ZNF366: variants seen among roughly 807,000 people sequenced by gnomAD.
The protein encoded by ZNF366 is dendritic cell-specific transcript protein.
ZNF366 carries 20 observed loss-of-function variants against 47.2 expected under a neutral mutation model. That is an observed-to-expected ratio of 0.42 (90% CI 0.30 to 0.62). ZNF366 has a LOEUF of 0.62. Among genes scored for constraint, ZNF366 ranks in the 20% least tolerant of loss-of-function variants. The pLI is 0.16. For synonymous variants in ZNF366, 421 were observed against 395.1 expected (o/e 1.07, Z -0.78); for missense variants, 987 against 976.3 (o/e 1.01, Z -0.15).
chr5:72,464,716 A>C (rs151120644), intron 1 of ZNF366, among the ~76,000 whole-genome samples: 323 of 152,312 alleles, frequency 2.1e-3, no homozygotes, highest in African/African-American at 7.5e-3. Context: ...CCCTTAAAAT[A>C]GTAGTCTGTG....
intron 1 of ZNF366, among the ~76,000 whole-genome samples, chr5:72,485,260 A>G (rs1009465002): frequency 1.3e-5 from 2 of 152,156 alleles, no homozygotes; most frequent in Non-Finnish European, 2.9e-5. Flanking sequence ...CTCTCTCCAT[A>G]CTGTTTGCTC....
chr5:72,472,251 G>A lies in ZNF366; in HGVS notation c.-14-10741C>T, dbSNP rs112971893. On this transcript the variant is annotated intron_variant, in intron 1 of 4. Coordinates refer to ENST00000318442, the MANE Select transcript of ZNF366 (RefSeq NM_152625.3). Reference sequence around the variant, plus strand: ...GCAAAACATTTTAGGAGCTACTAGAGGAATATTGAACTGGTTGGTTGATTT... The same window carrying A: ...GCAAAACATTTTAGGAGCTACTAGAAGAATATTGAACTGGTTGGTTGATTT... Among the ~76,000 whole-genome samples, 289 of 152,304 alleles carry A rather than the reference G, an allele frequency of 1.9e-3. 1 individual carries two copies. Among genetic ancestry groups the A allele is most frequent in the African/African-American group, 6.8e-3 (281 of 41,566 alleles).
At chr5:72,479,429 A>T (rs928030793) in intron 1 of ZNF366, among the ~76,000 whole-genome samples, 2 of 151,972 alleles carry the variant, frequency 1.3e-5, no homozygotes, top group Admixed American at 1.3e-4. Context: ...ATTAAAAATT[A>T]AAAAAAGAAA....
At chr5:72,456,791 T>G (rs1245283657) in intron 2 of ZNF366, among the ~76,000 whole-genome samples, 196 bp from the exon 3 acceptor site, 1 of 152,208 alleles carries the variant, frequency 6.6e-6, no homozygotes, top group East Asian at 1.9e-4. Flanking sequence ...ACCTTTTTTT[T>G]CCTTCTGAAA....
intron 1 of ZNF366, among the ~76,000 whole-genome samples, chr5:72,485,161 C>T (rs994811317): frequency 5.9e-5 from 9 of 152,124 alleles, no homozygotes; most frequent in East Asian, 1.9e-4. Context: ...TGATTAAATG[C>T]GGAAAAAATA....
In ZNF366 at chr5:72,444,073, G is replaced by A; in HGVS notation, c.1918C>T (p.Gln640Ter). ...PYSPGLAPQS[Q>*]QLCTPEDLST... ...AGATCCTCGGGTGTGCAGAGCTGCT[G>A]GCTCTGGGGGGCCAGGCCAGGGCTG... The change falls in exon 5 of 5, where the codon CAG becomes TAG. Residue 640 changes from glutamine (Q) to a stop codon, truncating the protein, a stop_gained. Coordinates refer to ENST00000318442, the MANE Select transcript of ZNF366 (RefSeq NM_152625.3). LOFTEE classifies it low-confidence loss of function (END_TRUNC). 1.2e-6 allele frequency: 2 copies of A among 1,614,166 alleles called. No individual in the cohort carries two copies. Among genetic ancestry groups the A allele is most frequent in the South Asian group, 1.1e-5 (1 of 91,090 alleles).
Position 72,447,332 on chromosome 5 carries a change from T to C in ZNF366, c.1610A>G (p.Tyr537Cys), listed in dbSNP as rs1280545518. The C allele has an allele frequency of 1.9e-6, 3 of 1,614,052 alleles. No homozygotes were observed. The highest frequency in any genetic ancestry group is 2.2e-5 in the South Asian group (2 of 91,090). Reference sequence around the variant, plus strand: ...CTTCAGGGTGAATTTGCTTGGGCAATAGAGGCACTTGAAGGGTTTGCTGTC... The same window carrying C: ...CTTCAGGGTGAATTTGCTTGGGCAACAGAGGCACTTGAAGGGTTTGCTGTC... ...HSDSKPFKCL[Y>C]CPSKFTLKGN... is the part of the protein sequence containing the mutation. Residue 537 changes from tyrosine to cysteine, a missense_variant, in exon 4 of 5, where the codon TAT (tyrosine) becomes TGT (cysteine). Tyr to Cys is a radical substitution (Grantham distance 194, BLOSUM62 -2). This residue lies in a region of ZNF366 where 111 missense variants were observed against 180.5 expected (regional missense o/e 0.61). Transcript: ENST00000318442.
chr5:72,460,130 A>C, intron 2 of ZNF366, 35 bp downstream of exon 2: 1 of 1,598,754 alleles, frequency 6.3e-7, no homozygotes, highest in Non-Finnish European at 8.5e-7. Context: ...CCTCTTCCCA[A>C]GGCCCCGTCC....
rs118180765 is a variant in ZNF366, at chr5:72,493,301, C to G, written c.-15+13950G>C. Among the ~76,000 whole-genome samples, 4 of 152,344 alleles carry G rather than the reference C, an allele frequency of 2.6e-5. No individual in the cohort carries two copies. In the East Asian group the frequency reaches 7.7e-4, roughly 29 times the overall value. ...CATAGGCATTAACTCATGTGATCAT[C>G]ACAGCACCCTCTGAGGTAGGTATTG... On this transcript the variant is annotated intron_variant, in intron 1 of 4. Transcript: ENST00000318442.
intron 1 of ZNF366, among the ~76,000 whole-genome samples, chr5:72,491,677 A>G (rs1561203929): frequency 6.6e-6 from 1 of 152,270 alleles, no homozygotes; most frequent in Non-Finnish European, 1.5e-5. Flanking sequence ...AATGGCAATT[A>G]TACTAGTATT....
chr5:72,472,195 C>T (rs1743580855), intron 1 of ZNF366, among the ~76,000 whole-genome samples: 1 of 152,164 alleles, frequency 6.6e-6, no homozygotes, highest in Admixed American at 6.5e-5. Flanking sequence ...AACTCACCAT[C>T]TAGTGAAAGA....
At chr5:72,482,793 T>C (rs1349489136) in intron 1 of ZNF366, among the ~76,000 whole-genome samples, 2 of 150,064 alleles carry the variant, frequency 1.3e-5, no homozygotes, top group Non-Finnish European at 3.0e-5. Flanking sequence ...TGATTTTAAA[T>C]TCTGAGAAAC....
chr5:72,460,228 G>A lies in ZNF366; in HGVS notation c.1269C>T (p.Cys423=), dbSNP rs760828839. The A allele has an allele frequency of 1.9e-6, 3 of 1,614,252 alleles. No homozygotes were observed. Among genetic ancestry groups the A allele is most frequent in the Non-Finnish European group, 2.5e-6 (3 of 1,180,040 alleles). The stretch of plus-strand genomic sequence containing the variant: ...GCACAAACTCCATGCCACACTCTGA[G>A]CAGATGTAGGGCCGGATGTCCTTGT... The part of the protein sequence containing the change: ...MKHKDIRPYI[C]SECGMEFVQP... The change falls in exon 2 of 5, where the codon TGC becomes TGT. Residue 423 remains cysteine (C), a synonymous_variant. Transcript: ENST00000318442.
At chr5:72,494,722 G>A (rs1744078061) in intron 1 of ZNF366, among the ~76,000 whole-genome samples, 1 of 151,576 alleles carries the variant, frequency 6.6e-6, no homozygotes, top group African/African-American at 2.4e-5. Context: ...CTTCTGCACT[G>A]AGACTGAAGT....
intron 1 of ZNF366, among the ~76,000 whole-genome samples, chr5:72,481,904 G>C (rs1182973197): frequency 1.3e-5 from 2 of 152,134 alleles, no homozygotes; most frequent in Admixed American, 1.3e-4. Flanking sequence ...TTAGTGCATG[G>C]GAAAGGGTTT....
In ZNF366 at chr5:72,451,537, C is replaced by G. The variant is rs73763723; in HGVS notation, c.1525-4120G>C. 9.3e-3 allele frequency among the ~76,000 whole-genome samples: 1,415 copies of G among 152,144 alleles called. 15 individuals are homozygous for G. Among genetic ancestry groups the G allele is most frequent in the African/African-American group, 0.032 (1,335 of 41,412 alleles). ...TGTGAGGATCAAGTGAGATAATTCA[C>G]AAGAAGGACTTGGCAAATAGTAAGA... On this transcript the variant is annotated intron_variant, in intron 3 of 4. Transcript: ENST00000318442.
At chr5:72,471,695 A>G (rs1254641794) in intron 1 of ZNF366, among the ~76,000 whole-genome samples, 1 of 152,220 alleles carries the variant, frequency 6.6e-6, no homozygotes, top group Non-Finnish European at 1.5e-5. Context: ...TGACTTAGCT[A>G]TTCAAACACT....
intron 1 of ZNF366, among the ~76,000 whole-genome samples, chr5:72,504,486 C>T (rs755901924): frequency 1.5e-4 from 23 of 152,194 alleles, no homozygotes; most frequent in Non-Finnish European, 2.9e-5. Context: ...TTGAATACAG[C>T]TGCATTCAGT....
chr5:72,467,508 C>T (rs952399447), intron 1 of ZNF366, among the ~76,000 whole-genome samples: 3 of 152,162 alleles, frequency 2.0e-5, no homozygotes, highest in African/African-American at 7.2e-5. Flanking sequence ...ACCTACTGCA[C>T]CAAAATATAA....
Sources: allele counts gnomAD v4.1 joint callset (sites outside exome capture counted in the v4.1 genomes callset), GRCh38; gene constraint gnomAD v4.1.1; regional missense constraint gnomAD v4.1.1; transcripts MANE v1.5; gene names NCBI Gene and HGNC (gene_info 2026-07-23, HGNC 2026-07-21).